The following RPS6KA2 variants were observed in gnomAD, a reference collection of about 807,000 sequenced individuals.
RPS6KA2 encodes ribosomal protein S6 kinase alpha-2.
A neutral mutation model predicts 91.8 loss-of-function variants in RPS6KA2; 42 were observed. The ratio of observed to expected loss-of-function variants is 0.46; its 90% confidence interval spans 0.36 to 0.59. The LOEUF (loss-of-function observed/expected upper bound fraction) is 0.59, where lower values mean the gene tolerates loss of function less well. Ranked by LOEUF, RPS6KA2 falls within the 20% of genes least tolerant of loss-of-function variation. RPS6KA2 has a pLI of 0.00. For missense variants in RPS6KA2, 798 were observed against 978.5 expected, an observed-to-expected ratio of 0.82 and a Z score of 2.46; for synonymous variants, 414 against 393.6, an observed-to-expected ratio of 1.05 and a Z score of -0.61.
At chr6:166,530,511 G>T (rs1021936395) in intron 3 of RPS6KA2, among the ~76,000 whole-genome samples, 1 of 152,192 alleles carries the variant, frequency 6.6e-6, no homozygotes, top group Non-Finnish European at 1.5e-5. Flanking sequence ...CCTCCCCAGG[G>T]GGTCAGTTTA....
intron 2 of RPS6KA2, among the ~76,000 whole-genome samples, chr6:166,851,693 T>A (rs1780750558): frequency 6.6e-6 from 1 of 152,044 alleles, no homozygotes; most frequent in Admixed American, 6.5e-5. Context: ...TGAGTAATCC[T>A]CTGTTTCTCG....
At chr6:166,428,124 G>A (rs1208682264) in intron 16 of RPS6KA2, among the ~76,000 whole-genome samples, 1 of 151,940 alleles carries the variant, frequency 6.6e-6, no homozygotes, top group Non-Finnish European at 1.5e-5. Flanking sequence ...CAATGGAACA[G>A]AACAGAGCCC....
chr6:166,735,817 G>A (rs1310235295), intron 2 of RPS6KA2, among the ~76,000 whole-genome samples: 2 of 152,334 alleles, frequency 1.3e-5, no homozygotes, highest in East Asian at 1.9e-4. Flanking sequence ...CTGCTGTGTG[G>A]CCTAGTTCCT....
intron 2 of RPS6KA2, among the ~76,000 whole-genome samples, chr6:166,534,360 A>G (rs933255809): frequency 5.5e-4 from 83 of 152,162 alleles, no homozygotes; most frequent in Admixed American, 3.8e-3. Context: ...TTTGCAAACA[A>G]CAAGCTCCCT....
chr6:166,596,197 G>A (rs1785527895), intron 1 of RPS6KA2, among the ~76,000 whole-genome samples: 1 of 152,210 alleles, frequency 6.6e-6, no homozygotes, highest in Non-Finnish European at 1.5e-5. Flanking sequence ...AGGTCCACGT[G>A]ATGATCAAGG....
intron 14 of RPS6KA2, among the ~76,000 whole-genome samples, chr6:166,442,821 G>A (rs1350981218): frequency 1.3e-5 from 2 of 152,190 alleles, no homozygotes; most frequent in Non-Finnish European, 1.5e-5. Flanking sequence ...TGTGTATTAA[G>A]CTTATGAGAA....
chr6:166,622,841 C>G (rs138074119), intron 1 of RPS6KA2, among the ~76,000 whole-genome samples: 22 of 152,322 alleles, frequency 1.4e-4, no homozygotes, highest in African/African-American at 4.3e-4. Flanking sequence ...TTTCACAGCA[C>G]TTATACCCTG....
chr6:166,625,910 C>T (rs1313159018), intron 1 of RPS6KA2, among the ~76,000 whole-genome samples: 2 of 152,172 alleles, frequency 1.3e-5, no homozygotes, highest in Non-Finnish European at 2.9e-5. Context: ...TTCCTCAGGT[C>T]TCTCAATGGT....
chr6:166,818,215 G>GT lies in RPS6KA2; in HGVS notation c.123+39984dup, dbSNP rs138054793. Among the ~76,000 whole-genome samples, 800 of 152,134 alleles carry GT rather than the reference G, an allele frequency of 5.3e-3. 7 individuals carry two copies. Among genetic ancestry groups the GT allele is most frequent in the Middle Eastern group, 0.024 (7 of 294 alleles). On this transcript the variant is annotated intron_variant, in intron 2 of 21. Transcript: ENST00000503859. ...AATTATCTCCAAAAATGTCTTTGTA[G>GT]TTTTTTTAAAATCCAGGATCAAATC...
intron 1 of RPS6KA2, among the ~76,000 whole-genome samples, chr6:166,541,899 G>A (rs906066410): frequency 2.6e-5 from 4 of 152,032 alleles, no homozygotes; most frequent in Admixed American, 6.5e-5. Context: ...ATAATATTGC[G>A]ATAGAGTTCA....
intron 3 of RPS6KA2, among the ~76,000 whole-genome samples, chr6:166,513,045 A>G (rs961498562): frequency 2.6e-5 from 4 of 152,188 alleles, no homozygotes; most frequent in African/African-American, 9.7e-5. Flanking sequence ...CTTGAGCCAC[A>G]CATAAAATAC....
chr6:166,824,196 T>C (rs1779976751), intron 2 of RPS6KA2, among the ~76,000 whole-genome samples: 2 of 151,994 alleles, frequency 1.3e-5, no homozygotes, highest in Admixed American at 1.3e-4. Flanking sequence ...ACCCGAGGTG[T>C]CATGTATAAG....
intron 2 of RPS6KA2, among the ~76,000 whole-genome samples, chr6:166,813,864 T>G (rs568347242): frequency 6.6e-6 from 1 of 152,234 alleles, no homozygotes; most frequent in Admixed American, 6.5e-5. Flanking sequence ...GTGATGATAT[T>G]GGAGATAGAC....
intron 10 of RPS6KA2, among the ~76,000 whole-genome samples, chr6:166,474,402 T>A (rs1339521331): frequency 6.6e-6 from 1 of 152,256 alleles, no homozygotes; most frequent in East Asian, 1.9e-4. Context: ...GTTGATTTGC[T>A]GTGCTATTTT....
intron 2 of RPS6KA2, among the ~76,000 whole-genome samples, chr6:166,682,790 G>T (rs765229698): frequency 6.6e-6 from 1 of 152,132 alleles, no homozygotes; most frequent in Admixed American, 6.5e-5. Flanking sequence ...TCCTCAGAGC[G>T]CCCTATGACC....
At chr6:166,692,506 A>G (rs1300380217) in intron 2 of RPS6KA2, among the ~76,000 whole-genome samples, 1 of 152,218 alleles carries the variant, frequency 6.6e-6, no homozygotes, top group Non-Finnish European at 1.5e-5. Flanking sequence ...AACTTTTGCA[A>G]GCCAAAGTTT....
intron 2 of RPS6KA2, among the ~76,000 whole-genome samples, chr6:166,639,000 A>T (rs1349233944): frequency 6.6e-6 from 1 of 152,206 alleles, no homozygotes; most frequent in Admixed American, 6.5e-5. Context: ...AGAGGGAAAA[A>T]ACCCTGTTCT....
At chr6:166,695,693 T>C (rs1333874947) in intron 2 of RPS6KA2, among the ~76,000 whole-genome samples, 2 of 151,218 alleles carry the variant, frequency 1.3e-5, no homozygotes, top group Admixed American at 6.6e-5. Context: ...TGGATTCTCC[T>C]AGGAGCACTG....
In RPS6KA2 at chr6:166,662,884, A is replaced by T. The variant is rs1788200664; in HGVS notation, c.124-124100T>A. Among the ~76,000 whole-genome samples the T allele has an allele frequency of 6.6e-6, 1 of 152,032 alleles. No individual in the cohort carries two copies. Among genetic ancestry groups the T allele is most frequent in the Non-Finnish European group, 1.5e-5 (1 of 68,008 alleles). On this transcript the variant is annotated intron_variant, in intron 2 of 21. Coordinates refer to the RPS6KA2 transcript ENST00000503859. The surrounding 1 kb of genome is among the most constrained non-coding windows in gnomAD (Gnocchi z 4.3). ...CTCTGACTGCTGTCCTTAGAAGAAGAGGAAGTCTGAATACGCAGAGACACC... is the reference window on the plus strand; with the variant it reads ...CTCTGACTGCTGTCCTTAGAAGAAGTGGAAGTCTGAATACGCAGAGACACC...
Sources: allele counts gnomAD v4.1 joint callset (sites outside exome capture counted in the v4.1 genomes callset), GRCh38; gene constraint gnomAD v4.1.1; non-coding constraint Gnocchi (gnomAD v3.1); transcripts MANE v1.5; gene names NCBI Gene and HGNC (gene_info 2026-07-23, HGNC 2026-07-21).